Variants in MAGI2 observed in about 807,000 individuals in gnomAD.
MAGI2 encodes membrane-associated guanylate kinase, WW and PDZ domain-containing protein 2.
A neutral mutation model predicts 133.3 loss-of-function variants in MAGI2; 35 were observed. That is an observed-to-expected ratio of 0.26 (90% CI 0.20 to 0.35). MAGI2 has a LOEUF of 0.35. Among genes scored for constraint, MAGI2 ranks in the 10% least tolerant of loss-of-function variants. MAGI2 has a pLI of 1.00. For synonymous variants in MAGI2, 729 were observed against 710.6 expected (o/e 1.03, Z -0.41); for missense variants, 1,636 against 1,863.4 (o/e 0.88, Z 2.25).
intron 2 of MAGI2, among the ~76,000 whole-genome samples, chr7:78,812,342 G>A (rs1789143355): frequency 2.6e-5 from 4 of 152,158 alleles, no homozygotes; most frequent in South Asian, 4.1e-4. Context: ...CATGTAGCCT[G>A]CAAAATCTAA....
chr7:78,287,701 C>T (rs1796285344), intron 9 of MAGI2, among the ~76,000 whole-genome samples: 1 of 152,120 alleles, frequency 6.6e-6, no homozygotes, highest in African/African-American at 2.4e-5. Flanking sequence ...TAAACTACAG[C>T]TGTATAATTT....
chr7:79,153,693 C>T (rs10953782), intron 1 of MAGI2, among the ~76,000 whole-genome samples: 12,745 of 152,224 alleles, frequency 0.084, 1,239 homozygotes, highest in African/African-American at 0.23. Flanking sequence ...TAGTGGAAGC[C>T]ATGGCTGGGT....
At chr7:78,878,890 C>T (rs1382722593) in intron 2 of MAGI2, among the ~76,000 whole-genome samples, 2 of 152,190 alleles carry the variant, frequency 1.3e-5, no homozygotes, top group African/African-American at 4.8e-5. Context: ...GGGCCCTCTC[C>T]ATGCCATGGC....
chr7:78,840,048 T>C (rs1791989978), intron 2 of MAGI2, among the ~76,000 whole-genome samples: 1 of 152,104 alleles, frequency 6.6e-6, no homozygotes, highest in Admixed American at 6.6e-5. Flanking sequence ...TTCAAAAGTG[T>C]AATTAGTAAT....
intron 9 of MAGI2, among the ~76,000 whole-genome samples, chr7:78,337,588 A>G (rs534059321): frequency 8.5e-5 from 13 of 152,364 alleles, no homozygotes; most frequent in East Asian, 5.8e-4. Flanking sequence ...GTTGATTTCA[A>G]TGTCAAATGA....
At chr7:78,329,996 A>AT (rs147364360) in intron 9 of MAGI2, among the ~76,000 whole-genome samples, 12,245 of 152,284 alleles carry the variant, frequency 0.08, 702 homozygotes, top group African/African-American at 0.15. Flanking sequence ...ATGCAGAATC[A>AT]TTTTGTCTCC....
intron 1 of MAGI2, among the ~76,000 whole-genome samples, chr7:79,164,432 T>C (rs1824722754): frequency 6.6e-6 from 1 of 152,122 alleles, no homozygotes; most frequent in Non-Finnish European, 1.5e-5. Flanking sequence ...AAAGAATCAC[T>C]ATTCTGTTAA....
intron 1 of MAGI2, among the ~76,000 whole-genome samples, chr7:79,282,266 TTAGACTGTCAG>T (rs1835704584): frequency 6.6e-6 from 1 of 152,158 alleles, no homozygotes; most frequent in South Asian, 2.1e-4. Context: ...ACATTCAAAA[TTAGACTGTCAG>T]CAACTGAAGA....
intron 10 of MAGI2, among the ~76,000 whole-genome samples, chr7:78,240,177 C>T (rs193161039): frequency 6.6e-6 from 1 of 152,260 alleles, no homozygotes; most frequent in African/African-American, 2.4e-5. Context: ...TGTTCCCTGC[C>T]CTGTGTCCAA....
intron 2 of MAGI2, among the ~76,000 whole-genome samples, chr7:78,959,418 G>A (rs1461531964): frequency 6.6e-6 from 1 of 151,962 alleles, no homozygotes; most frequent in Non-Finnish European, 1.5e-5. Context: ...AATCCCCATA[G>A]AAATGTAAAA....
At chr7:78,892,900 G>GCTT (rs1363680355) in intron 2 of MAGI2, among the ~76,000 whole-genome samples, 1 of 152,106 alleles carries the variant, frequency 6.6e-6, no homozygotes, top group African/African-American at 2.4e-5. Context: ...AAACTAAACA[G>GCTT]CTTCTGCACA....
intron 1 of MAGI2, among the ~76,000 whole-genome samples, chr7:79,109,807 C>T (rs1041892404): frequency 4.0e-5 from 6 of 151,848 alleles, no homozygotes; most frequent in Non-Finnish European, 8.8e-5. Flanking sequence ...GCCTGGGCAC[C>T]CAGGCTTTTC....
chr7:79,437,502 T>C (rs1848230345), intron 1 of MAGI2, among the ~76,000 whole-genome samples: 1 of 152,122 alleles, frequency 6.6e-6, no homozygotes, highest in Non-Finnish European at 1.5e-5. Flanking sequence ...ATGTTCTCAC[T>C]ATTGCCATAT....
chr7:79,241,210 A>G (rs2129554985), intron 1 of MAGI2, among the ~76,000 whole-genome samples: 1 of 152,298 alleles, frequency 6.6e-6, no homozygotes, highest in South Asian at 2.1e-4. Flanking sequence ...ATAGCATTTA[A>G]GATCATTGCT....
At chr7:78,823,686 T>A (rs746430091) in intron 2 of MAGI2, among the ~76,000 whole-genome samples, 10 of 151,980 alleles carry the variant, frequency 6.6e-5, no homozygotes, top group Non-Finnish European at 1.3e-4. Context: ...ATGAAAAGGT[T>A]AGGTAGAAGA....
intron 4 of MAGI2, among the ~76,000 whole-genome samples, chr7:78,514,729 G>A (rs1795897513): frequency 6.6e-6 from 1 of 152,150 alleles, no homozygotes; most frequent in Non-Finnish European, 1.5e-5. Flanking sequence ...CAGTGACAGG[G>A]TCTCATTCAC....
chr7:78,641,078 C>T (rs1421109665), intron 2 of MAGI2, among the ~76,000 whole-genome samples: 4 of 152,164 alleles, frequency 2.6e-5, no homozygotes, highest in African/African-American at 9.7e-5. Flanking sequence ...TCCTTGCTGC[C>T]ACCATGTGAA....
Position 78,932,594 on chromosome 7 carries a change from A to T in MAGI2, c.418+74496T>A, listed in dbSNP as rs1800220517. Among the ~76,000 whole-genome samples the T allele has an allele frequency of 2.0e-5, 3 of 152,166 alleles. 1 individual carries two copies. The South Asian group carries it at 6.2e-4, about 31-fold the overall frequency. On this transcript the variant is annotated intron_variant, in intron 2 of 21. Coordinates refer to ENST00000354212, the MANE Select transcript of MAGI2 (RefSeq NM_012301.4). ...TGGATCTTAGTGTCACAGTGAACAC[A>T]TGCCACTTAATGGCATGCAGATCAT...
chr7:78,231,254 TG>T (rs1789939173), intron 10 of MAGI2, among the ~76,000 whole-genome samples: 1 of 152,160 alleles, frequency 6.6e-6, no homozygotes, highest in Non-Finnish European at 1.5e-5. Context: ...AGAAAAGATC[TG>T]AGGCAACAAG....
Sources: gnomAD v4.1 joint callset for allele counts (sites outside exome capture counted in the v4.1 genomes callset) on GRCh38, gnomAD v4.1.1 for gene constraint, MANE v1.5 for transcripts, NCBI Gene and HGNC (gene_info 2026-07-23, HGNC 2026-07-21) for gene names.